The following NME1 variants were observed in gnomAD, a reference collection of about 807,000 sequenced individuals.
NME1 encodes the protein NME/NM23 nucleoside diphosphate kinase 1.
Under a neutral mutation model 17.2 loss-of-function variants are expected in NME1, and 9 were observed. That is an observed-to-expected ratio of 0.52 (90% CI 0.32 to 0.92). The LOEUF is 0.92. Among genes scored for constraint, NME1 ranks in the 40% least tolerant of loss-of-function variants. The pLI is 0.04. For synonymous variants in NME1, 72 were observed against 70.8 expected, an observed-to-expected ratio of 1.02 and a Z score of -0.09; for missense variants, 169 against 201.7, an observed-to-expected ratio of 0.84 and a Z score of 0.98.
chr17:51,161,118 A>T (rs764269897), intron 3 of NME1, 42 bp from the exon 4 acceptor site: 1 of 1,571,994 alleles, frequency 6.4e-7, no homozygotes, highest in Non-Finnish European at 8.7e-7. Flanking sequence ...TTCTGCTGTG[A>T]TTGGTTTTCT....
At chr17:51,160,512 G>T (rs758073453) in intron 3 of NME1, 4 of 355,798 alleles carry the variant, frequency 1.1e-5, no homozygotes, top group Non-Finnish European at 1.6e-5. Flanking sequence ...GAGGTGAAGA[G>T]TTCAGAGGCA....
intron 2 of NME1, among the ~76,000 whole-genome samples, chr17:51,157,910 G>A (rs1252212604): frequency 1.3e-5 from 2 of 152,152 alleles, no homozygotes. Context: ...TGTGGAGGCA[G>A]GAAGCAAGGG....
chr17:51,156,720 C>T (rs1399032668), intron 2 of NME1, among the ~76,000 whole-genome samples: 5 of 151,832 alleles, frequency 3.3e-5, no homozygotes, highest in African/African-American at 4.8e-5. Flanking sequence ...GATGAAACCC[C>T]GTCTCTACTA....
At position 51,162,100 on chromosome 17, in the gene NME1, A is replaced by C; in HGVS notation, c.*255A>C. On this transcript the variant is annotated 3_prime_UTR_variant, in exon 5 of 5. Transcript: ENST00000393196. ...CTTTTTTTTCCTTCTTTTCATGTAC[A>C]CTGAATAACCTGACCTAATAGAGAG... The C allele has an allele frequency of 4.5e-6, 2 of 445,296 alleles. No homozygotes were observed. The allele number at this position is 445,296 out of a possible 1,614,324, so 27.6% of individuals were successfully genotyped here. A position where few individuals can be genotyped will look rare whatever the true frequency, so the allele number is the denominator to read the frequency against.
chr17:51,160,349 A>C (rs1316023710), intron 3 of NME1: 2 of 533,714 alleles, frequency 3.7e-6, no homozygotes, highest in Non-Finnish European at 6.9e-6. Context: ...GAATGACAAG[A>C]AGCAGCCAGC....
chr17:51,154,159 C>T (rs60023424), intron 1 of NME1: 82,561 of 456,270 alleles, frequency 0.18, 5,578 homozygotes, highest in African/African-American at 0.29. Context: ...GTCTCTCTCT[C>T]TTTTTTTTTT....
At position 51,162,069 on chromosome 17, in the gene NME1, G is replaced by T; in HGVS notation, c.*224G>T. ...ATTGAGTTGGTTACTTCATATTGTT[G>T]CATTGCTTTTTTTTCCTTCTTTTCA... is the stretch of plus-strand genomic sequence containing the variant. On this transcript the variant is annotated 3_prime_UTR_variant, in exon 5 of 5. Transcript: ENST00000393196. 1.9e-6 allele frequency: 1 copy of T among 517,128 alleles called. No homozygotes were observed. Among genetic ancestry groups the T allele is most frequent in the South Asian group, 2.2e-5 (1 of 44,886 alleles). 32.0% of individuals were successfully genotyped at this position (517,128 alleles called of 1,614,324 possible).
At position 51,161,140 on chromosome 17, in the gene NME1, A is replaced by G; in HGVS notation, c.229-20A>G. The G allele has an allele frequency of 1.3e-6, 2 of 1,599,468 alleles. No individual in the cohort carries two copies. The highest frequency in any genetic ancestry group is 1.7e-6 in the Non-Finnish European group (2 of 1,172,640). Reference sequence around the variant, plus strand: ...GTGATTGGTTTTCTTCTTTGACCATATCTTCTTCTGTCCTTGGAGGTCTGG... The same window carrying G: ...GTGATTGGTTTTCTTCTTTGACCATGTCTTCTTCTGTCCTTGGAGGTCTGG... On this transcript the variant is annotated intron_variant, in intron 3 of 4. Transcript: ENST00000393196.
rs561404204 is a variant in NME1 at position 51,158,097 on chromosome 17, T to C, written c.127-1883T>C. Among the ~76,000 whole-genome samples the C allele has an allele frequency of 1.3e-4, 20 of 152,292 alleles. No homozygotes were observed. The East Asian group carries it at 2.7e-3, about 21-fold the overall frequency. On this transcript the variant is annotated intron_variant, in intron 2 of 4. Transcript: ENST00000393196. ...GAGATGGAGACCAGCCTGGCCAACG[T>C]GGTGAAACCCCGTCTCTACTAAAAA...
At chr17:51,158,378 C>T (rs2049818347) in intron 2 of NME1, among the ~76,000 whole-genome samples, 2 of 151,692 alleles carry the variant, frequency 1.3e-5, no homozygotes, top group South Asian at 4.2e-4. Context: ...AGTTTGAGGC[C>T]GCAGTGAGCT....
Position 51,161,793 on chromosome 17 carries a change from C to G in NME1, c.407C>G (p.Pro136Arg). ...AEKEIGLWFH[P>R]EELVDYTSCA... Reference sequence around the variant, plus strand: ...AAGGAGATCGGCTTGTGGTTTCACCCTGAGGAACTGGTAGATTACACGAGC... The same window carrying G: ...AAGGAGATCGGCTTGTGGTTTCACCGTGAGGAACTGGTAGATTACACGAGC... The change falls in exon 5 of 5, where the codon CCT (proline) becomes CGT (arginine). Residue 136 changes from proline (P) to arginine (R), a missense_variant. Pro to Arg is a moderately radical substitution (Grantham distance 103). Coordinates refer to ENST00000393196, the MANE Select transcript of NME1 (RefSeq NM_000269.3). 1 of 1,614,044 alleles carries G rather than the reference C, an allele frequency of 6.2e-7. No individual in the cohort carries two copies. The highest frequency in any genetic ancestry group is 8.5e-7 in the Non-Finnish European group (1 of 1,179,922).
At chr17:51,157,003 CA>C (rs36025797) in intron 2 of NME1, among the ~76,000 whole-genome samples, 31,883 of 140,322 alleles carry the variant, frequency 0.23, 3,563 homozygotes, top group African/African-American at 0.32. Flanking sequence ...GACTCTGTCT[CA>C]AAAAAAAAAA....
At position 51,159,980 on chromosome 17, in the gene NME1, G is replaced by T; in HGVS notation, c.127G>T (p.Ala43Ser). 1.2e-6 allele frequency: 2 copies of T among 1,614,152 alleles called. No homozygotes were observed. The highest frequency in any genetic ancestry group is 1.7e-6 in the Non-Finnish European group (2 of 1,180,018). The change falls in exon 3 of 5, where the codon GCT becomes TCT. Residue 43 changes from alanine to serine, a missense_variant and splice_region_variant. By Grantham distance (99) the Ala-to-Ser change is moderately conservative. Coordinates refer to ENST00000393196, the MANE Select transcript of NME1 (RefSeq NM_000269.3). ...FRLVGLKFMQ[A>S]SEDLLKEHYV... Reference sequence around the variant, plus strand: ...TCTCATTCTCTGTCCTGTTGAATAGGCTTCCGAAGATCTTCTCAAGGAACA... The same window carrying T: ...TCTCATTCTCTGTCCTGTTGAATAGTCTTCCGAAGATCTTCTCAAGGAACA...
At chr17:51,156,915 T>C (rs2144861509) in intron 2 of NME1, among the ~76,000 whole-genome samples, 1 of 147,362 alleles carries the variant, frequency 6.8e-6, no homozygotes, top group African/African-American at 2.5e-5. Flanking sequence ...AAAAAAGAAT[T>C]GCTTTTGAAC....
chr17:51,161,387 G>C, intron 4 of NME1, 115 bp downstream of exon 4: 1 of 1,060,740 alleles, frequency 9.4e-7, no homozygotes, highest in Non-Finnish European at 1.4e-6. Flanking sequence ...TTTTATCGGA[G>C]TTTATTGTTT....
At chr17:51,154,383 C>T (rs1226759872) in intron 1 of NME1, 1 of 1,613,918 alleles carries the variant, frequency 6.2e-7, no homozygotes, top group Non-Finnish European at 8.5e-7. Context: ...GATGGTGCTA[C>T]TGTCTACTTT....
Position 51,160,223 on chromosome 17 carries a change from C to T in NME1, c.228+142C>T. 4.5e-6 allele frequency: 4 copies of T among 892,266 alleles called. No homozygotes were observed. The Middle Eastern group carries it at 6.6e-4, about 146-fold the overall frequency. 55.3% of individuals were successfully genotyped at this position (892,266 alleles called of 1,614,324 possible). A position where few individuals can be genotyped will look rare whatever the true frequency, so the allele number is the denominator to read the frequency against. On this transcript the variant is annotated intron_variant, in intron 3 of 4. Coordinates refer to ENST00000393196, the MANE Select transcript of NME1 (RefSeq NM_000269.3). The stretch of plus-strand genomic sequence containing the variant: ...ATACCAGCTAATGGTTAGTGATAGG[C>T]TTCAGAAATGAAATATGCCCAGAAA...
At chr17:51,154,533 C>A in intron 1 of NME1, 2 of 1,100,440 alleles carry the variant, frequency 1.8e-6, no homozygotes, top group Non-Finnish European at 2.8e-6. Flanking sequence ...TGTCCCGTAT[C>A]AGATATTCCT....
intron 1 of NME1, among the ~76,000 whole-genome samples, chr17:51,155,402 C>A (rs1330084087): frequency 6.6e-6 from 1 of 152,102 alleles, no homozygotes; most frequent in Non-Finnish European, 1.5e-5. Context: ...CCCACAAAAA[C>A]CAAAACAAAT....
Sources: gnomAD v4.1 joint callset for allele counts (sites outside exome capture counted in the v4.1 genomes callset) on GRCh38, gnomAD v4.1.1 for gene constraint, MANE v1.5 for transcripts, NCBI Gene and HGNC (gene_info 2026-07-23, HGNC 2026-07-21) for gene names.